XNDC1N: variants seen among roughly 807,000 people sequenced by gnomAD.
The protein encoded by XNDC1N is protein XNDC1N.
At chr11:71,903,713 G>A in the XNDC1N span, 1 of 387,700 alleles carries the variant, frequency 2.6e-6, no homozygotes, top group East Asian at 6.2e-5. Flanking sequence ...CCTTACAAAT[G>A]ACCTGCTTCA....
the XNDC1N span, among the ~76,000 whole-genome samples, chr11:71,871,048 A>C: frequency 6.6e-6 from 1 of 152,352 alleles, no homozygotes; most frequent in Admixed American, 6.5e-5. Flanking sequence ...AAAAGACTTG[A>C]AATTTGTATA....
the XNDC1N span, among the ~76,000 whole-genome samples, chr11:71,881,177 A>G: frequency 6.6e-6 from 1 of 152,186 alleles, no homozygotes; most frequent in Non-Finnish European, 1.5e-5. Flanking sequence ...CATTTTTAAT[A>G]TATCTATTCC....
At chr11:71,895,789 T>G in the XNDC1N span, among the ~76,000 whole-genome samples, 1 of 152,208 alleles carries the variant, frequency 6.6e-6, no homozygotes, top group Non-Finnish European at 1.5e-5. Flanking sequence ...TTTAAAAATA[T>G]TTGCTCTTCA....
the XNDC1N span, among the ~76,000 whole-genome samples, chr11:71,919,387 CTCTT>C: frequency 5.6e-5 from 3 of 53,686 alleles, no homozygotes; most frequent in African/African-American, 8.5e-5. Flanking sequence ...GAAAGCAGAG[CTCTT>C]TTTTTTTTTT....
At chr11:71,896,397 A>C in the XNDC1N span, among the ~76,000 whole-genome samples, 59 of 152,242 alleles carry the variant, frequency 3.9e-4, no homozygotes, top group Non-Finnish European at 1.8e-4. Flanking sequence ...GTCCCAAAAT[A>C]CAGAAAGATG....
the XNDC1N span, among the ~76,000 whole-genome samples, chr11:71,886,321 C>T: frequency 1.1e-4 from 17 of 150,406 alleles, no homozygotes; most frequent in African/African-American, 4.0e-4. Flanking sequence ...CGAAGAAAGG[C>T]GGAGAGTCCT....
the XNDC1N span, among the ~76,000 whole-genome samples, chr11:71,877,561 C>T: frequency 6.6e-6 from 1 of 152,202 alleles, no homozygotes; most frequent in African/African-American, 2.4e-5. Flanking sequence ...TCACTTGAAC[C>T]CGGGAGGCAG....
the XNDC1N span, among the ~76,000 whole-genome samples, chr11:71,910,396 C>T: frequency 7.0e-3 from 1,064 of 152,288 alleles, 11 homozygotes; most frequent in African/African-American, 0.025. Context: ...TGGGAAGATC[C>T]GGAGTCAGGT....
the XNDC1N span, among the ~76,000 whole-genome samples, chr11:71,908,555 G>C: frequency 2.6e-5 from 4 of 152,028 alleles, no homozygotes; most frequent in East Asian, 1.9e-4. Context: ...AGAGAGCAGC[G>C]ATATACTGGG....
At chr11:71,893,028 T>C in the XNDC1N span, among the ~76,000 whole-genome samples, 1 of 152,236 alleles carries the variant, frequency 6.6e-6, no homozygotes, top group Admixed American at 6.5e-5. Flanking sequence ...TTTTACATAT[T>C]CTACATCAAT....
At chr11:71,898,790 G>A in the XNDC1N span, among the ~76,000 whole-genome samples, 2 of 152,118 alleles carry the variant, frequency 1.3e-5, no homozygotes, top group East Asian at 1.9e-4. Flanking sequence ...AGACGATGAC[G>A]GTGATGGTTG....
At chr11:71,916,217 C>A in the XNDC1N span, 1 of 702,598 alleles carries the variant, frequency 1.4e-6, no homozygotes, top group African/African-American at 1.7e-5. Context: ...CGAAGTCGAT[C>A]CCATAACTCT....
the XNDC1N span, among the ~76,000 whole-genome samples, chr11:71,896,934 T>A: frequency 1.3e-5 from 2 of 152,348 alleles, no homozygotes; most frequent in African/African-American, 4.8e-5. Context: ...TTCTCACCTT[T>A]ATGTTCACAT....
chr11:71,889,408 C>T, the XNDC1N span, among the ~76,000 whole-genome samples: 5 of 152,204 alleles, frequency 3.3e-5, no homozygotes, highest in African/African-American at 4.8e-5. Context: ...GCAGCATCTT[C>T]CCCCTTCTGG....
the XNDC1N span, among the ~76,000 whole-genome samples, chr11:71,879,206 G>A: frequency 6.6e-6 from 1 of 152,178 alleles, no homozygotes; most frequent in African/African-American, 2.4e-5. Context: ...ATCCAGGCAA[G>A]GACCTAGCCT....
chr11:71,885,694 C>T, the XNDC1N span, among the ~76,000 whole-genome samples: 1 of 151,856 alleles, frequency 6.6e-6, no homozygotes, highest in Non-Finnish European at 1.5e-5. Context: ...GTGAATTATA[C>T]CTCATTTATT....
chr11:71,872,525 C>A, the XNDC1N span, among the ~76,000 whole-genome samples: 3 of 150,806 alleles, frequency 2.0e-5, no homozygotes, highest in Non-Finnish European at 2.9e-5. Flanking sequence ...AGATCGAGAC[C>A]ATCCTGGCTA....
At chr11:71,877,824 T>C in the XNDC1N span, among the ~76,000 whole-genome samples, 1 of 152,200 alleles carries the variant, frequency 6.6e-6, no homozygotes, top group Non-Finnish European at 1.5e-5. Context: ...CTTTCCGAAG[T>C]GTATTATAGG....
At chr11:71,883,392 C>T in the XNDC1N span, among the ~76,000 whole-genome samples, 2 of 152,124 alleles carry the variant, frequency 1.3e-5, no homozygotes, top group African/African-American at 4.8e-5. Context: ...TAAAGATAGA[C>T]ATATAGGCCA....
Sources: allele counts gnomAD v4.1 joint callset (sites outside exome capture counted in the v4.1 genomes callset), GRCh38; gene constraint gnomAD v4.1.1; transcripts MANE v1.5; gene names NCBI Gene and HGNC (gene_info 2026-07-23, HGNC 2026-07-21).